Variants in ARMCX4 observed in about 807,000 individuals in gnomAD.
The protein encoded by ARMCX4 is armadillo repeat-containing X-linked protein 4.
A neutral mutation model predicts 34.7 loss-of-function variants in ARMCX4; 3 were observed. The ratio of observed to expected loss-of-function variants is 0.09; its 90% CI spans 0.04 to 0.22. The LOEUF is 0.22. Among genes scored for constraint, ARMCX4 ranks in the 10% least tolerant of loss-of-function variants. The pLI is 1.00. For missense variants in ARMCX4, 1,448 were observed against 1,720.8 expected (o/e 0.84, Z 2.81); for synonymous variants, 513 against 632.8 (o/e 0.81, Z 2.84).
At chrX:101,442,910 A>G (rs1053201715) in intron 2 of ARMCX4, among the ~76,000 whole-genome samples, 11 of 110,858 alleles carry the variant, frequency 9.9e-5, no homozygotes, top group African/African-American at 3.3e-4. Context: ...AGGCGGGCGG[A>G]TCACGAGGTC....
Position 101,490,246 on chromosome X carries a change from G to GGGGTCAAGACCC in ARMCX4, c.1658_1669dup (p.Thr556_Pro557insArgValLysThr). 8.7e-7 allele frequency: 1 copy of GGGGTCAAGACCC among 1,155,065 alleles called. No homozygotes were observed. On this transcript the variant is annotated inframe_insertion, in exon 6 of 6. Transcript: ENST00000423738. ...GAAAACCTGTACACAACCTCAGGCT[G>GGGGTCAAGACCC]GGGTCAAGACCCCAGCTGAGGCCTT...
chrX:101,534,055 G>A (rs1242134299), downstream of ARMCX4, among the ~76,000 whole-genome samples: 1 of 110,667 alleles, frequency 9.0e-6, no homozygotes, highest in Non-Finnish European at 1.9e-5. Context: ...TGTAAAATAA[G>A]AAAAAAAATC....
At chrX:101,466,194 AAGATT>A (rs782602268) in intron 4 of ARMCX4, among the ~76,000 whole-genome samples, 1 of 112,460 alleles carries the variant, frequency 8.9e-6, no homozygotes, top group African/African-American at 3.2e-5. Context: ...ATACAGGTAA[AAGATT>A]AGAATATCTG....
At chrX:101,522,458 A>C (rs1198316879) in intron 11 of ARMCX4, among the ~76,000 whole-genome samples, 1 of 112,210 alleles carries the variant, frequency 8.9e-6, no homozygotes, top group Non-Finnish European at 1.9e-5. Flanking sequence ...CTCTGCCTTT[A>C]CATTAGAGTG....
At chrX:101,520,612 T>C (rs1250585325) in intron 11 of ARMCX4, among the ~76,000 whole-genome samples, 8 of 111,935 alleles carry the variant, frequency 7.1e-5, no homozygotes, top group Admixed American at 1.9e-4. Flanking sequence ...CTGGGGTAAA[T>C]CCTTCTTGGT....
intron 11 of ARMCX4, among the ~76,000 whole-genome samples, chrX:101,530,519 TA>T (rs1172250981): frequency 2.2e-4 from 24 of 110,792 alleles, no homozygotes; most frequent in African/African-American, 6.2e-4. Flanking sequence ...AAGTGGTATA[TA>T]AAAAAAAGAA....
chrX:101,515,397 C>T (rs1473351069), intron 11 of ARMCX4, among the ~76,000 whole-genome samples: 277 of 10,024 alleles, frequency 0.028, 34 homozygotes, highest in Non-Finnish European at 0.041. Flanking sequence ...TTCTTTCCCT[C>T]CCTCCCTCCC....
chrX:101,427,577 C>T (rs1443287134), intron 2 of ARMCX4, among the ~76,000 whole-genome samples: 2 of 110,905 alleles, frequency 1.8e-5, no homozygotes, highest in African/African-American at 3.3e-5. Context: ...GATGGGGTTA[C>T]ACCATGTTGG....
chrX:101,494,940 T>C lies in ARMCX4; in HGVS notation c.6351T>C (p.His2117=), dbSNP rs1236626336. 4 of 1,153,765 alleles carry C rather than the reference T, an allele frequency of 3.5e-6. No individual in the cohort carries two copies. The highest frequency in any genetic ancestry group is 3.3e-5 in the East Asian group (1 of 30,719). The change falls in exon 6 of 6, where the codon CAT becomes CAC. Residue 2117 remains histidine (H), a synonymous_variant. Transcript: ENST00000423738. ...LNNISVAAEN[H]RKVKTYLNQV... ...ATATCTCAGTGGCTGCTGAAAACCA[T>C]AGGAAGGTTAAAACTTACTTAAACC...
chrX:101,459,983 T>C lies in ARMCX4; in HGVS notation c.-473+13939T>C, dbSNP rs782637197. ...CCCCTAGAGTTTCTGATTCAGACCA[T>C]CTGGTTGAGACCCAAAGATATGCAT... On this transcript the variant is annotated intron_variant and NMD_transcript_variant, in intron 4 of 15. Coordinates refer to the ARMCX4 transcript ENST00000433011. Among the ~76,000 whole-genome samples, 37 of 112,927 alleles carry C rather than the reference T, an allele frequency of 3.3e-4. No homozygotes were observed. The South Asian group carries it at 0.013, about 38-fold the overall frequency.
rs1556009113 is a variant in ARMCX4 at position 101,491,453 on chromosome X, G to C, written c.2864G>C (p.Ser955Thr). ...TCTGTCCAGGTCCAGGTTGTGGCCA[G>C]TTTTCAGGGTGAGGTCTTGCCTGGG... ...MGSVQVQVVA[S>T]FQGEVLPGAK... The change falls in exon 6 of 6, where the codon AGT (serine) becomes ACT (threonine). Residue 955 changes from serine to threonine, a missense_variant. Around this residue, in one of 2 missense-constraint regions of ARMCX4, gnomAD observed 1,343 missense variants for 1,540.7 expected, o/e 0.87. Transcript: ENST00000423738. The C allele has an allele frequency of 8.7e-7, 1 of 1,154,485 alleles. No homozygotes were observed. The highest frequency in any genetic ancestry group is 1.9e-5 in the South Asian group (1 of 52,627).
rs1473285397 is a variant in ARMCX4, at chrX:101,492,303, G to A, written c.3714G>A (p.Ala1238=). The stretch of plus-strand genomic sequence containing the variant: ...AGGCCATTGGAGAGCTTTGGGCTGC[G>A]GGTCAGGCCAGTGATGGGTCCTGGC... ...GNQAIGELWA[A]GQASDGSWPG... is the part of the protein sequence containing the mutation. The change falls in exon 6 of 6, where the codon GCG becomes GCA. Residue 1238 remains alanine, a synonymous_variant. Coordinates refer to ENST00000423738, the MANE Select transcript of ARMCX4 (RefSeq NM_001256155.3). The A allele has an allele frequency of 8.7e-6, 10 of 1,142,985 alleles. No homozygotes were observed. The highest frequency in any genetic ancestry group is 1.2e-5 in the Non-Finnish European group (10 of 867,110). 94.2% of individuals were successfully genotyped at this position (1,142,985 alleles called of 1,213,427 possible). A position where few individuals can be genotyped will look rare whatever the true frequency, so the allele number is the denominator to read the frequency against.
downstream of ARMCX4, among the ~76,000 whole-genome samples, chrX:101,534,116 C>CA (rs1160416805): frequency 2.7e-5 from 3 of 111,574 alleles, no homozygotes; most frequent in Non-Finnish European, 3.8e-5. Flanking sequence ...ATAAACTTAA[C>CA]AAAAAAATCT....
chrX:101,481,122 T>G (rs1460750976), upstream of ARMCX4, among the ~76,000 whole-genome samples: 1 of 111,462 alleles, frequency 9.0e-6, no homozygotes, highest in Non-Finnish European at 1.9e-5. Context: ...AGAACCTATC[T>G]CAAAACAAAA....
At chrX:101,425,584 G>A (rs984480048) in intron 2 of ARMCX4, among the ~76,000 whole-genome samples, 3 of 109,518 alleles carry the variant, frequency 2.7e-5, no homozygotes, top group East Asian at 5.8e-4. Context: ...TAGTAGAAAC[G>A]GGGTTTCACC....
downstream of ARMCX4, among the ~76,000 whole-genome samples, chrX:101,451,437 C>T (rs368914762): frequency 6.2e-5 from 7 of 112,062 alleles, no homozygotes; most frequent in East Asian, 1.4e-3. Flanking sequence ...TGGCTGCTGC[C>T]AGGAGATGGG....
At chrX:101,509,756 C>T (rs894926360) in intron 10 of ARMCX4, 18 of 111,314 alleles carry the variant, frequency 1.6e-4, no homozygotes, top group African/African-American at 5.9e-4. Context: ...ACTGTCCCCT[C>T]CTGTTTTCCT....
At chrX:101,503,788 G>T (rs782490107) in intron 7 of ARMCX4, among the ~76,000 whole-genome samples, 3,771 of 108,509 alleles carry the variant, frequency 0.035, 116 homozygotes, top group African/African-American at 0.097. Flanking sequence ...CTCTTTAGTT[G>T]AATTAGATCC....
At chrX:101,451,243 A>G (rs188123808), downstream of ARMCX4, among the ~76,000 whole-genome samples, 95 of 111,728 alleles carry the variant, frequency 8.5e-4, no homozygotes, top group African/African-American at 2.9e-3. Flanking sequence ...AGTTCTGACC[A>G]CTGGGATGGG....
Sources: gnomAD v4.1 joint callset for allele counts (sites outside exome capture counted in the v4.1 genomes callset) on GRCh38, gnomAD v4.1.1 for gene constraint, gnomAD v4.1.1 regional missense constraint, MANE v1.5 for transcripts, NCBI Gene and HGNC (gene_info 2026-07-23, HGNC 2026-07-21) for gene names.